The following CCDC171 variants were observed in gnomAD, a reference collection of about 807,000 sequenced individuals.
CCDC171 encodes coiled-coil domain-containing protein 171.
CCDC171 carries 177 observed loss-of-function variants against 168.2 expected under a neutral mutation model. That is an observed-to-expected ratio of 1.05 (90% CI 0.93 to 1.19). The LOEUF (loss-of-function observed/expected upper bound fraction) is 1.19. CCDC171 is among the 50% of genes most tolerant of loss of function. The pLI, the probability that CCDC171 is intolerant of heterozygous loss-of-function variation, is 0.00. For missense variants in CCDC171, 1,991 were observed against 1,539.0 expected, an observed-to-expected ratio of 1.29 and a Z score of -4.91; for synonymous variants, 687 against 540.8, an observed-to-expected ratio of 1.27 and a Z score of -3.75.
intron 6 of CCDC171, among the ~76,000 whole-genome samples, chr9:15,599,257 G>A (rs1395438381): frequency 2.6e-5 from 4 of 152,094 alleles, no homozygotes; most frequent in African/African-American, 7.2e-5. Context: ...TGGTCTTTAC[G>A]ATTTGGCATG....
intron 11 of CCDC171, among the ~76,000 whole-genome samples, chr9:15,714,593 C>CT (rs58952961): frequency 0.95 from 144,144 of 152,180 alleles, 68,306 homozygotes; most frequent in East Asian, 1. Context: ...GTTAATTCCT[C>CT]CCCCCGGTAC....
intron 24 of CCDC171, among the ~76,000 whole-genome samples, chr9:15,913,212 T>C (rs146709637): frequency 1.5e-3 from 226 of 152,346 alleles, no homozygotes; most frequent in African/African-American, 5.3e-3. Context: ...CAGAACTTGT[T>C]ATTGGTCTAT....
At chr9:16,103,277 A>G in the CCDC171 span, among the ~76,000 whole-genome samples, 2 of 152,222 alleles carry the variant, frequency 1.3e-5, no homozygotes, top group African/African-American at 2.4e-5. Context: ...AGCTGTTTGC[A>G]GCTAGGCCTG....
At chr9:15,622,265 G>A (rs2044570696) in intron 6 of CCDC171, among the ~76,000 whole-genome samples, 1 of 152,052 alleles carries the variant, frequency 6.6e-6, no homozygotes, top group African/African-American at 2.4e-5. Flanking sequence ...ACCTACACAT[G>A]TACCCATGAA....
intron 23 of CCDC171, among the ~76,000 whole-genome samples, chr9:15,866,592 A>T (rs574803251): frequency 6.6e-6 from 1 of 152,002 alleles, no homozygotes; most frequent in Non-Finnish European, 1.5e-5. Flanking sequence ...GAAATACTGA[A>T]TGTAAGGTAA....
intron 1 of CCDC171, among the ~76,000 whole-genome samples, chr9:16,057,258 A>C (rs1216081953): frequency 2.0e-5 from 3 of 152,154 alleles, no homozygotes. Flanking sequence ...TCAGTTCCCA[A>C]AGTCACGAAA....
chr9:15,766,825 T>C (rs1249770195), intron 18 of CCDC171, among the ~76,000 whole-genome samples: 1 of 152,038 alleles, frequency 6.6e-6, no homozygotes, highest in Non-Finnish European at 1.5e-5. Flanking sequence ...TCAGCTGATT[T>C]CTAAGGTTTG....
chr9:15,750,938 G>A (rs2055695944), intron 18 of CCDC171, among the ~76,000 whole-genome samples: 1 of 152,124 alleles, frequency 6.6e-6, no homozygotes, highest in Admixed American at 6.5e-5. Flanking sequence ...GGACAATCAG[G>A]CAAGAGAAAG....
intron 24 of CCDC171, among the ~76,000 whole-genome samples, chr9:15,905,254 T>C (rs11521291): frequency 0.28 from 42,818 of 151,932 alleles, 6,080 homozygotes; most frequent in Admixed American, 0.33. Flanking sequence ...TATTCCAAAA[T>C]TGACCACATA....
intron 9 of CCDC171, among the ~76,000 whole-genome samples, chr9:15,675,938 G>A (rs1462644247): frequency 6.6e-6 from 1 of 152,188 alleles, no homozygotes; most frequent in African/African-American, 2.4e-5. Context: ...GGTTGGAGAA[G>A]TTCTCCTGGA....
intron 14 of CCDC171, among the ~76,000 whole-genome samples, chr9:15,726,002 A>G (rs905272987): frequency 7.2e-5 from 11 of 152,124 alleles, no homozygotes; most frequent in African/African-American, 2.2e-4. Flanking sequence ...TTTTTACCCT[A>G]TGGGTTATAG....
At chr9:15,695,437 C>A in intron 11 of CCDC171, 100 bp downstream of exon 11, 1 of 855,996 alleles carries the variant, frequency 1.2e-6, no homozygotes, top group South Asian at 1.4e-5. Context: ...CTCATCTCAA[C>A]ATGTTTTGAT....
At chr9:15,623,469 GCGCGCGCACA>G (rs1308265248) in intron 7 of CCDC171, 56 bp downstream of exon 7, 6 of 529,880 alleles carry the variant, frequency 1.1e-5, no homozygotes, top group South Asian at 2.1e-5. Context: ...ACATATGCGC[GCGCGCGCACA>G]CACACACACA....
the CCDC171 span, among the ~76,000 whole-genome samples, chr9:16,101,117 G>A: frequency 0.056 from 8,537 of 152,156 alleles, 805 homozygotes; most frequent in African/African-American, 0.19. Flanking sequence ...ATCACCAAAG[G>A]GCCCCCAGCT....
chr9:15,649,736 A>C (rs1343077640), intron 7 of CCDC171, among the ~76,000 whole-genome samples: 1 of 152,230 alleles, frequency 6.6e-6, no homozygotes, highest in East Asian at 1.9e-4. Context: ...AATCATTAAA[A>C]AGTCAGGAAA....
intron 1 of CCDC171, among the ~76,000 whole-genome samples, chr9:16,056,300 A>G (rs763235187): frequency 3.3e-5 from 5 of 152,196 alleles, no homozygotes; most frequent in Non-Finnish European, 7.4e-5. Context: ...GAACTGGTCT[A>G]TGTTTGTACT....
At chr9:15,908,785 C>T (rs563164964) in intron 24 of CCDC171, among the ~76,000 whole-genome samples, 2 of 152,178 alleles carry the variant, frequency 1.3e-5, no homozygotes, top group Admixed American at 1.3e-4. Flanking sequence ...GGAGCAGGCA[C>T]GTCAGTAGGC....
intron 21 of CCDC171, among the ~76,000 whole-genome samples, chr9:15,812,495 TAAAC>T (rs1166810135): frequency 6.6e-6 from 1 of 152,140 alleles, no homozygotes; most frequent in African/African-American, 2.4e-5. Flanking sequence ...CTTTTAACCT[TAAAC>T]AAAATTTGGG....
In CCDC171 at chr9:15,903,017, TAAAC is replaced by T. The variant is rs566767964; in HGVS notation, c.3601-17249_3601-17246del. On this transcript the variant is annotated intron_variant, in intron 24 of 25. Coordinates refer to ENST00000380701, the MANE Select transcript of CCDC171 (RefSeq NM_173550.4). ...TCGCCATTGCCTAGGCTAGAGTAGG[TAAAC>T]AAAGCAGCCGGGAAGCTCGAACTGG... 2.2e-4 allele frequency among the ~76,000 whole-genome samples: 34 copies of T among 152,186 alleles called. 1 individual carries two copies. The East Asian group carries it at 6.0e-3, about 27-fold the overall frequency.
Sources: gnomAD v4.1 joint callset for allele counts (sites outside exome capture counted in the v4.1 genomes callset) on GRCh38, gnomAD v4.1.1 for gene constraint, MANE v1.5 for transcripts, NCBI Gene and HGNC (gene_info 2026-07-23, HGNC 2026-07-21) for gene names.